The following RIPK1 variants were observed in gnomAD, a reference collection of about 807,000 sequenced individuals.
RIPK1 encodes receptor interacting serine/threonine kinase 1.
In RIPK1, 27 loss-of-function variants were observed where a neutral mutation model predicts 62.4. The ratio of observed to expected loss-of-function variants is 0.43; its 90% CI spans 0.32 to 0.60. The LOEUF (loss-of-function observed/expected upper bound fraction) is 0.60, where lower values mean the gene tolerates loss of function less well. Among genes scored for constraint, RIPK1 ranks in the 20% least tolerant of loss-of-function variants. The pLI is 0.07. For missense variants in RIPK1, 735 were observed against 831.0 expected (o/e 0.88, Z 1.42); for synonymous variants, 287 against 303.2 (o/e 0.95, Z 0.55).
At chr6:3,097,422 A>G (rs1018660448) in intron 7 of RIPK1, among the ~76,000 whole-genome samples, 1 of 125,696 alleles carries the variant, frequency 8.0e-6, no homozygotes, top group Non-Finnish European at 1.8e-5. Flanking sequence ...AATGGAGTTG[A>G]AAACCCATAG....
chr6:3,087,944 T>G lies in RIPK1; in HGVS notation c.839-1637T>G, dbSNP rs187365876. 1.4e-3 allele frequency among the ~76,000 whole-genome samples: 207 copies of G among 152,380 alleles called. 2 individuals are homozygous for G. The highest frequency in any genetic ancestry group is 4.7e-3 in the African/African-American group (197 of 41,594). On this transcript the variant is annotated intron_variant, in intron 6 of 10. Coordinates refer to ENST00000259808, the MANE Select transcript of RIPK1 (RefSeq NM_001354930.2). The stretch of plus-strand genomic sequence containing the variant: ...TATTTTTCATTTGTTTCAAGCAGGT[T>G]CATAACTATTAATTGAATCGTTTTT...
In RIPK1 at chr6:3,110,887, C is replaced by A; in HGVS notation, c.1661C>A (p.Ser554Ter). 2 of 1,612,172 alleles carry A rather than the reference C, an allele frequency of 1.2e-6. No individual in the cohort carries two copies. Among genetic ancestry groups the A allele is most frequent in the Non-Finnish European group, 1.7e-6 (2 of 1,178,322 alleles). Residue 554 changes from serine (S) to a stop codon, truncating the protein, a stop_gained, in exon 10 of 11, where the codon TCA (serine) becomes TAA (stop). Transcript: ENST00000259808. LOFTEE classifies it high-confidence loss of function. ...TATATGGAGATTGGTGGGACGAGTT[C>A]ATCACTACTAGACAGCACAAATACG... ...YNYMEIGGTS[S>*]SLLDSTNTNF...
chr6:3,065,508 C>T (rs1336796218), upstream of RIPK1, among the ~76,000 whole-genome samples: 1 of 149,366 alleles, frequency 6.7e-6, no homozygotes, highest in Admixed American at 6.7e-5. Context: ...GAAATGTGGG[C>T]GTAGAGGGCA....
In RIPK1 at chr6:3,068,554, G is replaced by A; in HGVS notation, c.-168G>A. The A allele has an allele frequency of 1.0e-6, 1 of 985,270 alleles. No homozygotes were observed. Among genetic ancestry groups the A allele is most frequent in the Non-Finnish European group, 1.2e-6 (1 of 829,874 alleles). 61.0% of individuals were successfully genotyped at this position (985,270 alleles called of 1,614,324 possible). ...ACGGCGGGCCAGCTGCCGGAGCGCG[G>A]CGACTCCAGGGGACCCACAGCTGGG... On this transcript the variant is annotated 5_prime_UTR_variant, in exon 1 of 11. Transcript: ENST00000259808.
Position 3,073,536 on chromosome 6 carries a change from G to A in RIPK1, c.-60-3228G>A, listed in dbSNP as rs373794378. Among the ~76,000 whole-genome samples, 12 of 152,158 alleles carry A rather than the reference G, an allele frequency of 7.9e-5. No homozygotes were observed. The South Asian group carries it at 1.7e-3, about 21-fold the overall frequency. On this transcript the variant is annotated intron_variant, in intron 1 of 10. Transcript: ENST00000259808. ...CCTCACCCCACCCCTCAGTCTTCAGGCCTTCATCTAGGCAGCCCCCCGCCT... is the reference window on the plus strand; with the variant it reads ...CCTCACCCCACCCCTCAGTCTTCAGACCTTCATCTAGGCAGCCCCCCGCCT...
At chr6:3,094,762 T>G (rs1380982501) in intron 7 of RIPK1, among the ~76,000 whole-genome samples, 2 of 152,016 alleles carry the variant, frequency 1.3e-5, no homozygotes, top group Non-Finnish European at 2.9e-5. Flanking sequence ...TTCGAAAGGC[T>G]AATACAATAG....
chr6:3,066,670 T>G (rs533004307), upstream of RIPK1, among the ~76,000 whole-genome samples: 1 of 152,194 alleles, frequency 6.6e-6, no homozygotes, highest in Admixed American at 6.5e-5. Context: ...CATCCTGCAT[T>G]ACTGTGGAAT....
intron 5 of RIPK1, 101 bp from the exon 6 acceptor site, chr6:3,085,158 G>A: frequency 7.9e-7 from 1 of 1,261,866 alleles, no homozygotes; most frequent in Non-Finnish European, 1.1e-6. Flanking sequence ...GAATGAGGCA[G>A]CTGTACCAGA....
rs1491008831 is a variant in RIPK1 at position 3,072,393 on chromosome 6, A to ATATATG, written c.-61+3737_-61+3738insGTATAT. Among the ~76,000 whole-genome samples, 1 of 39,466 alleles carries ATATATG rather than the reference A, an allele frequency of 2.5e-5. No individual in the cohort carries two copies. Among genetic ancestry groups the ATATATG allele is most frequent in the Non-Finnish European group, 7.8e-5 (1 of 12,748 alleles). 25.9% of individuals were successfully genotyped at this position (39,466 alleles called of 152,430 possible). On this transcript the variant is annotated intron_variant, in intron 1 of 10. Coordinates refer to ENST00000259808, the MANE Select transcript of RIPK1 (RefSeq NM_001354930.2). This position sits in a 1 kb window ranked among gnomAD's most constrained non-coding sequence, Gnocchi z 5.6. ...TACTTATATCTTTATCTATTTACATATATATATATATAAAACACACACAAA... is the reference window on the plus strand; with the variant it reads ...TACTTATATCTTTATCTATTTACATATATATGTATATATATATAAAACACACACAAA...
At position 3,076,784 on chromosome 6, in the gene RIPK1, G is replaced by T. The variant is rs750755996; in HGVS notation, c.-40G>T. The T allele has an allele frequency of 1.2e-6, 2 of 1,606,562 alleles. No homozygotes were observed. Among genetic ancestry groups the T allele is most frequent in the South Asian group, 1.1e-5 (1 of 90,624 alleles). On this transcript the variant is annotated 5_prime_UTR_variant, in exon 2 of 11. Transcript: ENST00000259808. ...TACAGGGTACAGCTCTGCCGGGGGG[G>T]GAAAAAGTGGTACCATTTTGGGCGT...
intron 9 of RIPK1, among the ~76,000 whole-genome samples, chr6:3,110,115 C>A (rs529310811): frequency 8.0e-4 from 121 of 152,158 alleles, no homozygotes; most frequent in African/African-American, 2.7e-3. Context: ...TTCTTCAACA[C>A]CCTGTTTTAG....
rs200930567 is a variant in RIPK1 at position 3,081,812 on chromosome 6, A to AT, written c.459+698dup. Among the ~76,000 whole-genome samples, 498 of 121,372 alleles carry AT rather than the reference A, an allele frequency of 4.1e-3. 7 individuals are homozygous for AT. Among genetic ancestry groups the AT allele is most frequent in the African/African-American group, 0.014 (463 of 32,616 alleles). The allele number at this position is 121,372 out of a possible 152,430, so 79.6% of individuals were successfully genotyped here. On this transcript the variant is annotated intron_variant, in intron 4 of 10. Transcript: ENST00000259808. The stretch of plus-strand genomic sequence containing the variant: ...GAGGTGGAGGTTGTGGTGAGCCGAG[A>AT]TTGTGCCATCGCACTCCAGCCTGGG...
At chr6:3,078,207 A>C (rs1759193789) in intron 3 of RIPK1, among the ~76,000 whole-genome samples, 1 of 152,080 alleles carries the variant, frequency 6.6e-6, no homozygotes, top group African/African-American at 2.4e-5. Context: ...TTCTCCTTAA[A>C]ACATCTATGC....
intron 7 of RIPK1, among the ~76,000 whole-genome samples, chr6:3,102,133 G>A (rs1760612546): frequency 6.6e-6 from 1 of 152,088 alleles, no homozygotes; most frequent in African/African-American, 2.4e-5. Flanking sequence ...TTTTATGGCT[G>A]AATAACATTC....
chr6:3,094,773 A>T (rs1228746299), intron 7 of RIPK1, among the ~76,000 whole-genome samples: 1 of 152,124 alleles, frequency 6.6e-6, no homozygotes. Context: ...AATACAATAG[A>T]CTAATTAAGA....
At position 3,077,488 on chromosome 6, in the gene RIPK1, C is replaced by T. The variant is rs533477263; in HGVS notation, c.165-291C>T. 1.8e-3 allele frequency among the ~76,000 whole-genome samples: 279 copies of T among 151,504 alleles called. 1 individual carries two copies. The highest frequency in any genetic ancestry group is 6.4e-3 in the African/African-American group (262 of 41,196). ...TTTTTTTTAATCGTTCTGTCCAGCA[C>T]GGTCTTTTTTCAGGTTACCTTGCTG... On this transcript the variant is annotated intron_variant, in intron 2 of 10. Transcript: ENST00000259808.
chr6:3,066,357 C>T (rs143079662), upstream of RIPK1, among the ~76,000 whole-genome samples: 981 of 152,228 alleles, frequency 6.4e-3, 11 homozygotes, highest in African/African-American at 0.023. Context: ...TAATTCACAA[C>T]CGAGTCTTCA....
chr6:3,066,969 C>T (rs541560952), upstream of RIPK1, among the ~76,000 whole-genome samples: 277 of 150,582 alleles, frequency 1.8e-3, no homozygotes, highest in Non-Finnish European at 2.8e-3. Context: ...TCCAGAATGT[C>T]ACATAGTTGG....
chr6:3,096,202 T>A (rs1484668543), intron 7 of RIPK1, among the ~76,000 whole-genome samples: 1 of 152,142 alleles, frequency 6.6e-6, no homozygotes. Flanking sequence ...GTCAGCCTGG[T>A]ACTGGAGGCC....
Sources: gnomAD v4.1 joint callset for allele counts (sites outside exome capture counted in the v4.1 genomes callset) on GRCh38, gnomAD v4.1.1 for gene constraint, Gnocchi (gnomAD v3.1) non-coding constraint, MANE v1.5 for transcripts, NCBI Gene and HGNC (gene_info 2026-07-23, HGNC 2026-07-21) for gene names.